MMRN1: variants seen among roughly 807,000 people sequenced by gnomAD.
MMRN1 encodes the protein multimerin-1.
A neutral mutation model predicts 100.7 loss-of-function variants in MMRN1; 94 were observed. The observed-to-expected ratio is 0.93, with a 90% CI of 0.79 to 1.11. The LOEUF (loss-of-function observed/expected upper bound fraction) is 1.11, where lower values mean the gene tolerates loss of function less well. Ranked by LOEUF, MMRN1 falls within the 50% of genes least tolerant of loss-of-function variation. The probability of loss-of-function intolerance (pLI) is 0.00; values close to 1 mark genes in which losing one functional copy is unlikely to be tolerated. For synonymous variants in MMRN1, 575 were observed against 505.0 expected, an observed-to-expected ratio of 1.14 and a Z score of -1.86; for missense variants, 1,606 against 1,439.1, an observed-to-expected ratio of 1.12 and a Z score of -1.88.
intron 1 of MMRN1, among the ~76,000 whole-genome samples, chr4:89,908,603 T>G (rs1238179258): frequency 6.6e-6 from 1 of 151,516 alleles, no homozygotes; most frequent in African/African-American, 2.4e-5. Context: ...TATTCTTAGG[T>G]ACATTATTCT....
chr4:89,898,418 T>C (rs11941110), intron 1 of MMRN1, among the ~76,000 whole-genome samples: 64,001 of 151,718 alleles, frequency 0.42, 13,892 homozygotes, highest in Admixed American at 0.47. Flanking sequence ...GCTTTAGAGT[T>C]GTAGCTCTCA....
chr4:89,949,880 A>C (rs1348136951), intron 6 of MMRN1, among the ~76,000 whole-genome samples: 5 of 152,348 alleles, frequency 3.3e-5, no homozygotes, highest in Admixed American at 1.3e-4. Flanking sequence ...ACTTCATGAG[A>C]AAAATATTAC....
At chr4:89,894,783 A>G, upstream of MMRN1, 1 of 1,051,994 alleles carries the variant, frequency 9.5e-7, no homozygotes, top group South Asian at 2.0e-5. Context: ...CACAGATCAC[A>G]AAAACCCTAC....
intron 1 of MMRN1, chr4:89,879,668 T>C (rs1720779137): frequency 6.6e-6 from 1 of 152,202 alleles, no homozygotes. Flanking sequence ...ACTTTGTTAA[T>C]GTTTCTTCAA....
chr4:89,889,059 T>G (rs1046594299), intron 1 of MMRN1, among the ~76,000 whole-genome samples: 1 of 152,156 alleles, frequency 6.6e-6, no homozygotes, highest in Non-Finnish European at 1.5e-5. Context: ...AGAAGGACAT[T>G]CTTATTCTGT....
intron 3 of MMRN1, 122 bp downstream of exon 3, chr4:89,912,172 GT>G: frequency 1.8e-6 from 1 of 559,416 alleles, no homozygotes. Context: ...TCCTAGGACT[GT>G]TATACTTTCT....
chr4:89,936,634 G>C lies in MMRN1; in HGVS notation c.2954G>C (p.Cys985Ser). 2 of 1,613,376 alleles carry C rather than the reference G, an allele frequency of 1.2e-6. No homozygotes were observed. The highest frequency in any genetic ancestry group is 1.7e-6 in the Non-Finnish European group (2 of 1,179,598). The change falls in exon 6 of 8, where the codon TGT becomes TCT. Residue 985 changes from cysteine (C) to serine (S), a missense_variant. Physicochemically the swap from Cys to Ser is moderately radical, Grantham distance 112 (BLOSUM62 -1). Transcript: ENST00000264790. ...TQAALSNLTC[C>S]IDRSLPGSLA... ...GCTGCCCTATCTAATTTAACTTGTT[G>C]TATAGATCGATCGTTGCCTGGTAGT...
At chr4:89,899,582 A>G (rs1161644205) in intron 1 of MMRN1, among the ~76,000 whole-genome samples, 1 of 152,002 alleles carries the variant, frequency 6.6e-6, no homozygotes, top group Non-Finnish European at 1.5e-5. Context: ...GGGTCAGTAA[A>G]CCTTGCCTGA....
chr4:89,924,338 A>C (rs906876259), intron 4 of MMRN1, among the ~76,000 whole-genome samples: 34 of 152,142 alleles, frequency 2.2e-4, no homozygotes, highest in Non-Finnish European at 3.8e-4. Flanking sequence ...ATTCTGGGAA[A>C]AGTTAAAACA....
In MMRN1 at chr4:89,953,400, T is replaced by G; in HGVS notation, c.3669T>G (p.Tyr1223Ter). Residue 1223 changes from tyrosine to a stop codon, truncating the protein, a stop_gained, in exon 8 of 8, where the codon TAT (tyrosine) becomes TAG (stop). Transcript: ENST00000264790. LOFTEE classifies it high-confidence loss of function. ...CCCCTGTTACTACATTTAGTGGCTA[T>G]TTATTATATCGTACATAAGTTAGTA... ...KFPPVTTFSG[Y>*]LLYRT The G allele has an allele frequency of 1.9e-6, 3 of 1,606,838 alleles. No homozygotes were observed. The highest frequency in any genetic ancestry group is 1.7e-6 in the Non-Finnish European group (2 of 1,177,142).
At chr4:89,886,301 T>A (rs982875411) in intron 1 of MMRN1, among the ~76,000 whole-genome samples, 1 of 152,174 alleles carries the variant, frequency 6.6e-6, no homozygotes, top group African/African-American at 2.4e-5. Context: ...TTATTGCTGC[T>A]TTGACTGAGG....
At position 89,895,378 on chromosome 4, in the gene MMRN1, A is replaced by G. The variant is rs577895255; in HGVS notation, c.407A>G (p.Asn136Ser). The G allele has an allele frequency of 3.7e-6, 6 of 1,613,962 alleles. No homozygotes were observed. The African/African-American group carries it at 5.3e-5, about 14-fold the overall frequency. ...GGAGCAGAATCAGTGGTCCTTTCCA[A>G]TTCTACACTGAAATTTCTTCAGAGC... ...NPGAESVVLS[N>S]STLKFLQSFA... The change falls in exon 1 of 8, where the codon AAT becomes AGT. Residue 136 changes from asparagine to serine, a missense_variant. Coordinates refer to ENST00000264790, the MANE Select transcript of MMRN1 (RefSeq NM_007351.3).
At chr4:89,943,442 G>GCTA (rs1490311602) in intron 6 of MMRN1, among the ~76,000 whole-genome samples, 2 of 152,116 alleles carry the variant, frequency 1.3e-5, no homozygotes, top group African/African-American at 4.8e-5. Flanking sequence ...CTAGATGGAT[G>GCTA]CTACAATAAA....
intron 6 of MMRN1, among the ~76,000 whole-genome samples, chr4:89,941,881 A>G (rs776683468): frequency 6.6e-6 from 1 of 152,156 alleles, no homozygotes; most frequent in Non-Finnish European, 1.5e-5. Flanking sequence ...GAAATAGTAA[A>G]TGAACTACTT....
chr4:89,938,476 C>CATATATATAT lies in MMRN1; in HGVS notation c.3118+1705_3118+1714dup, dbSNP rs372673572. On this transcript the variant is annotated intron_variant, in intron 6 of 7. Transcript: ENST00000264790. ...CAGGCAAGCTATGTCATTTTTTAAACATATATATATATATATATATATATA... is the reference window on the plus strand; with the variant it reads ...CAGGCAAGCTATGTCATTTTTTAAACATATATATATATATATATATATATATATATATATA... Among the ~76,000 whole-genome samples, 247 of 123,536 alleles carry CATATATATAT rather than the reference C, an allele frequency of 2.0e-3. 1 individual carries two copies. Among genetic ancestry groups the CATATATATAT allele is most frequent in the Middle Eastern group, 4.6e-3 (1 of 216 alleles). 81.0% of individuals were successfully genotyped at this position (123,536 alleles called of 152,430 possible).
At chr4:89,892,251 G>T (rs1042727074), upstream of MMRN1, among the ~76,000 whole-genome samples, 6 of 151,456 alleles carry the variant, frequency 4.0e-5, no homozygotes, top group African/African-American at 1.5e-4. Flanking sequence ...TGAACAAATG[G>T]CAAGATGGTA....
At position 89,923,153 on chromosome 4, in the gene MMRN1, T is replaced by C. The variant is rs368377681; in HGVS notation, c.851-15T>C. 2 of 1,607,408 alleles carry C rather than the reference T, an allele frequency of 1.2e-6. No homozygotes were observed. Among genetic ancestry groups the C allele is most frequent in the African/African-American group, 2.7e-5 (2 of 74,856 alleles). On this transcript the variant is annotated splice_polypyrimidine_tract_variant and intron_variant, in intron 3 of 7. Coordinates refer to ENST00000264790, the MANE Select transcript of MMRN1 (RefSeq NM_007351.3). ...AGTGCTTAACTGTCTCTCTTCTCTT[T>C]CTGCTTCCTTCTAGCCCAGGAACAG...
intron 1 of MMRN1, among the ~76,000 whole-genome samples, chr4:89,904,249 A>G (rs1721486359): frequency 6.6e-6 from 1 of 151,542 alleles, no homozygotes. Flanking sequence ...TTTTTTCAGT[A>G]TGTATGTATT....
rs1215317193 is a variant in MMRN1 at position 89,953,850 on chromosome 4, C to CA, written c.*438dup. 1.3e-5 allele frequency: 2 copies of CA among 152,514 alleles called. No individual in the cohort carries two copies. The highest frequency in any genetic ancestry group is 2.9e-5 in the Non-Finnish European group (2 of 68,366). The allele number at this position is 152,514 out of a possible 1,614,324, so 9.4% of individuals were successfully genotyped here. A position where few individuals can be genotyped will look rare whatever the true frequency, so the allele number is the denominator to read the frequency against. ...GATTCACAAATTTAAATAAATTACT[C>CA]AAAAAATGAAAATTGATTTTGTAAA... On this transcript the variant is annotated 3_prime_UTR_variant, in exon 8 of 8. Coordinates refer to ENST00000264790, the MANE Select transcript of MMRN1 (RefSeq NM_007351.3).
Sources: allele counts gnomAD v4.1 joint callset (sites outside exome capture counted in the v4.1 genomes callset), GRCh38; gene constraint gnomAD v4.1.1; transcripts MANE v1.5; gene names NCBI Gene and HGNC (gene_info 2026-07-23, HGNC 2026-07-21).